Variants in ARHGEF7 observed in about 807,000 individuals in gnomAD.
ARHGEF7 encodes the protein Rho guanine nucleotide exchange factor 7.
A neutral mutation model predicts 109.8 loss-of-function variants in ARHGEF7; 33 were observed. The observed-to-expected ratio is 0.30, with a 90% CI of 0.23 to 0.40. ARHGEF7 has a LOEUF of 0.40. ARHGEF7 is among the 10% of genes least tolerant of loss of function. The probability of loss-of-function intolerance (pLI) is 1.00; values close to 1 mark genes in which losing one functional copy is unlikely to be tolerated. For synonymous variants in ARHGEF7, 458 were observed against 424.6 expected (o/e 1.08, Z -0.97); for missense variants, 938 against 1,098.5 (o/e 0.85, Z 2.07).
chr13:111,288,349 G>T lies in ARHGEF7; in HGVS notation c.2045-5G>T, dbSNP rs2093117708. ...GACTGTGAACTGTTGCGCATCTCTT[G>T]ACAGGCACAGCTGCTTTGGAAGAAG... On this transcript the variant is annotated splice_region_variant and splice_polypyrimidine_tract_variant and intron_variant, in intron 17 of 21. Transcript: ENST00000646102. 1 of 1,611,408 alleles carries T rather than the reference G, an allele frequency of 6.2e-7. No homozygotes were observed. Among genetic ancestry groups the T allele is most frequent in the East Asian group, 2.2e-5 (1 of 44,872 alleles).
chr13:111,221,171 C>A (rs1293371153), intron 5 of ARHGEF7, among the ~76,000 whole-genome samples: 1 of 108,744 alleles, frequency 9.2e-6, no homozygotes, highest in Non-Finnish European at 1.8e-5. Context: ...CTATATATAT[C>A]TATATAGATA....
intron 2 of ARHGEF7, among the ~76,000 whole-genome samples, chr13:111,178,171 A>G (rs1030343458): frequency 3.3e-5 from 5 of 152,168 alleles, no homozygotes; most frequent in African/African-American, 1.2e-4. Flanking sequence ...AGGGATGGGA[A>G]GTCCTCCTCT....
chr13:111,177,350 A>G (rs1302915272), intron 2 of ARHGEF7, among the ~76,000 whole-genome samples: 1 of 152,172 alleles, frequency 6.6e-6, no homozygotes, highest in Non-Finnish European at 1.5e-5. Flanking sequence ...CTCTACTCTC[A>G]AAGGAGTCCA....
chr13:111,219,576 C>T (rs919810494), intron 5 of ARHGEF7, among the ~76,000 whole-genome samples: 1 of 151,624 alleles, frequency 6.6e-6, no homozygotes, highest in Non-Finnish European at 1.5e-5. Flanking sequence ...TTTTCCCCAG[C>T]GGCTGGACCA....
chr13:111,278,865 C>T (rs1224600194), intron 13 of ARHGEF7, among the ~76,000 whole-genome samples: 2 of 152,198 alleles, frequency 1.3e-5, no homozygotes, highest in African/African-American at 4.8e-5. Context: ...AGGCTTGAGT[C>T]TCTGCCTGTG....
At chr13:111,150,492 C>A (rs1010162862) in intron 1 of ARHGEF7, among the ~76,000 whole-genome samples, 11 of 152,222 alleles carry the variant, frequency 7.2e-5, no homozygotes, top group Admixed American at 6.5e-4. Flanking sequence ...ATTTGCCTTG[C>A]AATATGCATT....
rs558834592 is a variant in ARHGEF7, at chr13:111,209,563, T to C, written c.338-309T>C. On this transcript the variant is annotated intron_variant, in intron 3 of 21. Transcript: ENST00000646102. ...CGCTCCATAATCAAATTTGAGAGGC[T>C]TTTTTTTCCAGGTGAAGGGAAAATC... Among the ~76,000 whole-genome samples the C allele has an allele frequency of 4.6e-5, 7 of 152,042 alleles. No homozygotes were observed. The East Asian group carries it at 1.4e-3, about 29-fold the overall frequency.
chr13:111,145,348 A>G lies in ARHGEF7; in HGVS notation c.166-8557A>G, dbSNP rs2075536161. 6.6e-6 allele frequency among the ~76,000 whole-genome samples: 1 copy of G among 152,184 alleles called. No homozygotes were observed. The highest frequency in any genetic ancestry group is 2.4e-5 in the African/African-American group (1 of 41,448). ...ACAGAGGTGGTTTATGAGACGATTT[A>G]TGAAGTGAGGGCAGGAAGAAGGACA... On this transcript the variant is annotated intron_variant, in intron 1 of 21. Coordinates refer to ENST00000646102, the MANE Select transcript of ARHGEF7 (RefSeq NM_001354046.2). This position sits in a 1 kb window ranked among gnomAD's most constrained non-coding sequence, Gnocchi z 4.3.
At chr13:111,178,917 C>T (rs1474759327) in intron 2 of ARHGEF7, among the ~76,000 whole-genome samples, 3 of 152,068 alleles carry the variant, frequency 2.0e-5, no homozygotes, top group Non-Finnish European at 2.9e-5. Flanking sequence ...TCCTAGGCTA[C>T]GGATGGTGAG....
Position 111,174,312 on chromosome 13 carries a change from C to T in ARHGEF7, c.252+20321C>T, listed in dbSNP as rs148138225. ...TAACCACACTGTTAAAATGTCCAGA[C>T]GGCAGTGCCTGTGGAATCCCTCTGT... On this transcript the variant is annotated intron_variant, in intron 2 of 21. Transcript: ENST00000646102. Among the ~76,000 whole-genome samples, 9 of 152,302 alleles carry T rather than the reference C, an allele frequency of 5.9e-5. No homozygotes were observed. In the East Asian group the frequency reaches 7.7e-4, roughly 13 times the overall value.
chr13:111,200,623 A>G (rs1222323037), intron 2 of ARHGEF7, among the ~76,000 whole-genome samples: 1 of 152,208 alleles, frequency 6.6e-6, no homozygotes, highest in East Asian at 1.9e-4. Context: ...AAATCCTTCA[A>G]AATGACCTTT....
chr13:111,230,513 TCTG>T (rs2085889333), intron 5 of ARHGEF7, among the ~76,000 whole-genome samples: 1 of 152,194 alleles, frequency 6.6e-6, no homozygotes, highest in African/African-American at 2.4e-5. Flanking sequence ...GCACATTTCT[TCTG>T]GCGTGACCGC....
In ARHGEF7 at chr13:111,304,477, A is replaced by T. The variant is rs995604684; in HGVS notation, c.*1364A>T. On this transcript the variant is annotated 3_prime_UTR_variant, in exon 22 of 22. Coordinates refer to ENST00000646102, the MANE Select transcript of ARHGEF7 (RefSeq NM_001354046.2). ...CAAGTGTTCTATCTTTAAAAACCCA[A>T]ATTGCAGCACCGTGGATTACTGGTC... 6.6e-6 allele frequency: 1 copy of T among 152,260 alleles called. No individual in the cohort carries two copies. Among genetic ancestry groups the T allele is most frequent in the African/African-American group, 2.4e-5 (1 of 41,466 alleles). The allele number at this position is 152,260 out of a possible 1,614,324, so 9.4% of individuals were successfully genotyped here. A position where few individuals can be genotyped will look rare whatever the true frequency, so the allele number is the denominator to read the frequency against.
Position 111,131,268 on chromosome 13 carries a change from C to T in ARHGEF7, c.165+15577C>T, listed in dbSNP as rs1413457106. ...ACCAAGGGAGCCCAGGAGGGTGCGG[C>T]GGCGGGCAGACAGGGGGACAGTGAT... On this transcript the variant is annotated intron_variant, in intron 1 of 21. Transcript: ENST00000646102. This position sits in a 1 kb window ranked among gnomAD's most constrained non-coding sequence, Gnocchi z 4.4. Among the ~76,000 whole-genome samples, 1 of 151,878 alleles carries T rather than the reference C, an allele frequency of 6.6e-6. No homozygotes were observed. Among genetic ancestry groups the T allele is most frequent in the Non-Finnish European group, 1.5e-5 (1 of 67,958 alleles).
chr13:111,121,975 A>C (rs1051716597), intron 1 of ARHGEF7, among the ~76,000 whole-genome samples: 2 of 152,066 alleles, frequency 1.3e-5, no homozygotes, highest in Non-Finnish European at 2.9e-5. Context: ...GACACTGAAA[A>C]CCTTCCCCAT....
chr13:111,238,805 A>C (rs960096367), intron 6 of ARHGEF7, among the ~76,000 whole-genome samples: 6 of 152,132 alleles, frequency 3.9e-5, no homozygotes, highest in African/African-American at 7.2e-5. Flanking sequence ...GGGAAGACAC[A>C]GTCCTTATGG....
rs146620999 is a variant in ARHGEF7 at position 111,190,686 on chromosome 13, G to T, written c.253-14603G>T. On this transcript the variant is annotated intron_variant, in intron 2 of 21. Coordinates refer to ENST00000646102, the MANE Select transcript of ARHGEF7 (RefSeq NM_001354046.2). ...CGATGACAGACTTGAGCTTTGAGGG[G>T]TACTGATAAAGTCTGATTTCCTGAG... 1.1e-3 allele frequency among the ~76,000 whole-genome samples: 160 copies of T among 152,238 alleles called. 1 individual carries two copies. The highest frequency in any genetic ancestry group is 3.6e-3 in the African/African-American group (150 of 41,548).
intron 13 of ARHGEF7, among the ~76,000 whole-genome samples, chr13:111,278,451 G>T (rs548524803): frequency 1.3e-5 from 2 of 152,316 alleles, no homozygotes; most frequent in South Asian, 2.1e-4. Context: ...AGCACGTGTT[G>T]TTTTGTGTTG....
In ARHGEF7 at chr13:111,239,163, A is replaced by G. The variant is rs1246963980; in HGVS notation, c.760-4709A>G. The stretch of plus-strand genomic sequence containing the variant: ...CCCGTGCCATGATTCAGTTACCTCC[A>G]CCCTGTCCCGCCCTTGACACATGGG... On this transcript the variant is annotated intron_variant, in intron 6 of 21. Transcript: ENST00000646102. The surrounding 1 kb of genome is among the most constrained non-coding windows in gnomAD (Gnocchi z 4.3). Among the ~76,000 whole-genome samples, 1 of 152,092 alleles carries G rather than the reference A, an allele frequency of 6.6e-6. No homozygotes were observed. Among genetic ancestry groups the G allele is most frequent in the African/African-American group, 2.4e-5 (1 of 41,494 alleles).
Sources: allele counts gnomAD v4.1 joint callset (sites outside exome capture counted in the v4.1 genomes callset), GRCh38; gene constraint gnomAD v4.1.1; non-coding constraint Gnocchi (gnomAD v3.1); transcripts MANE v1.5; gene names NCBI Gene and HGNC (gene_info 2026-07-23, HGNC 2026-07-21).